The following OTOGL variants were observed in gnomAD, a reference collection of about 807,000 sequenced individuals.
OTOGL encodes the protein otogelin like, also known as otogelin-like protein.
In OTOGL, 285 loss-of-function variants were observed where a neutral mutation model predicts 318.5. The ratio of observed to expected loss-of-function variants is 0.89; its 90% confidence interval spans 0.81 to 0.99. The LOEUF (loss-of-function observed/expected upper bound fraction) is 0.99, where lower values mean the gene tolerates loss of function less well. OTOGL is among the 50% of genes least tolerant of loss of function. OTOGL has a pLI of 0.00. For missense variants in OTOGL, 2,899 were observed against 2,845.6 expected (o/e 1.02, Z -0.43); for synonymous variants, 987 against 936.5 (o/e 1.05, Z -0.99).
In OTOGL at chr12:80,233,026, A is replaced by G. The variant is rs752765422; in HGVS notation, c.746A>G (p.His249Arg). 3.8e-6 allele frequency: 6 copies of G among 1,598,796 alleles called. No individual in the cohort carries two copies. The highest frequency in any genetic ancestry group is 1.7e-5 in the Admixed American group (1 of 60,004). The change falls in exon 9 of 59, where the codon CAT (histidine) becomes CGT (arginine). Residue 249 changes from histidine (H) to arginine (R), a missense_variant. His to Arg is a conservative substitution (Grantham distance 29, BLOSUM62 0). Transcript: ENST00000547103. ...ATCTACCTCAAGCTGTCTGAGGACC[A>G]TAAGGGGAAATCATGTGGCCTATGT... The part of the protein sequence containing the change: ...SGIYLKLSED[H>R]KGKSCGLCGN...
chr12:80,339,308 T>TG, intron 43 of OTOGL, 44 bp downstream of exon 43: 3 of 1,414,022 alleles, frequency 2.1e-6, no homozygotes, highest in Non-Finnish European at 2.9e-6. Context: ...GTTTTTTTTT[T>TG]TTTTTTTTTT....
rs145787589 is a variant in OTOGL, at chr12:80,362,001, C to A, written c.6267+3101C>A. ...TTAGCTTGCTATACTCCCATTTGTC[C>A]ATTTTTCTTTTGTTGTCTCTACATT... is the stretch of plus-strand genomic sequence containing the variant. On this transcript the variant is annotated intron_variant, in intron 52 of 58. Coordinates refer to ENST00000547103, the MANE Select transcript of OTOGL (RefSeq NM_001378609.3). 3.5e-3 allele frequency among the ~76,000 whole-genome samples: 533 copies of A among 152,156 alleles called. 1 individual carries two copies. The highest frequency in any genetic ancestry group is 0.02 in the Middle Eastern group (6 of 294).
At chr12:80,100,331 CCT>C (rs1869063380) in intron 1 of OTOGL, among the ~76,000 whole-genome samples, 1 of 152,078 alleles carries the variant, frequency 6.6e-6, no homozygotes, top group Non-Finnish European at 1.5e-5. Flanking sequence ...TCTTACTTCT[CCT>C]AACAACAACA....
chr12:80,122,592 T>A (rs1467591400), intron 1 of OTOGL, among the ~76,000 whole-genome samples: 1 of 152,204 alleles, frequency 6.6e-6, no homozygotes, highest in East Asian at 1.9e-4. Flanking sequence ...TTACTGACTA[T>A]GTTTATAGAA....
Position 80,352,390 on chromosome 12 carries a change from C to T in OTOGL, c.5361C>T (p.Cys1787=). The T allele has an allele frequency of 6.2e-7, 1 of 1,612,280 alleles. No homozygotes were observed. The highest frequency in any genetic ancestry group is 1.1e-5 in the South Asian group (1 of 90,898). ...CACTTTCTGCATATGTGGCTCTGTGCAACAAGTTTGATATCTGTATTCAGT... is the reference window on the plus strand; with the variant it reads ...CACTTTCTGCATATGTGGCTCTGTGTAACAAGTTTGATATCTGTATTCAGT... ...CDALSAYVAL[C]NKFDICIQWR... is the part of the protein sequence containing the mutation. The change falls in exon 45 of 59, where the codon TGC becomes TGT. Residue 1787 remains cysteine (C), a synonymous_variant. Coordinates refer to ENST00000547103, the MANE Select transcript of OTOGL (RefSeq NM_001378609.3).
intron 1 of OTOGL, among the ~76,000 whole-genome samples, chr12:80,128,393 C>T (rs930052600): frequency 6.6e-6 from 1 of 152,184 alleles, no homozygotes; most frequent in Non-Finnish European, 1.5e-5. Context: ...CTGATCGTTC[C>T]TCTGGAAGTT....
chr12:80,118,476 G>C (rs1013196630), intron 1 of OTOGL, among the ~76,000 whole-genome samples: 2 of 152,090 alleles, frequency 1.3e-5, no homozygotes, highest in African/African-American at 4.8e-5. Context: ...AGTGGACCCT[G>C]ACTCTCATGT....
rs1225862007 is a variant in OTOGL, at chr12:80,301,736, A to G, written c.3064-898A>G. 2.0e-5 allele frequency among the ~76,000 whole-genome samples: 3 copies of G among 152,026 alleles called. No individual in the cohort carries two copies. In the East Asian group the frequency reaches 5.8e-4, roughly 29 times the overall value. On this transcript the variant is annotated intron_variant, in intron 27 of 58. Coordinates refer to ENST00000547103, the MANE Select transcript of OTOGL (RefSeq NM_001378609.3). Reference sequence around the variant, plus strand: ...GTAATTCACTGCTTCCTGCCCCCCTACACACATACAGTAGTTCCCCCTTAT... The same window carrying G: ...GTAATTCACTGCTTCCTGCCCCCCTGCACACATACAGTAGTTCCCCCTTAT...
At chr12:80,135,236 T>C (rs1871476486) in intron 1 of OTOGL, among the ~76,000 whole-genome samples, 1 of 143,998 alleles carries the variant, frequency 6.9e-6, no homozygotes, top group African/African-American at 2.5e-5. Flanking sequence ...GGTCATTTTT[T>C]ATTTCTTGAG....
chr12:80,332,392 T>G (rs1888132290), intron 37 of OTOGL, among the ~76,000 whole-genome samples: 1 of 152,176 alleles, frequency 6.6e-6, no homozygotes, highest in Non-Finnish European at 1.5e-5. Context: ...ATTGTGGCTC[T>G]TCTGTAATCT....
At chr12:80,342,317 T>G (rs539421219) in intron 44 of OTOGL, among the ~76,000 whole-genome samples, 155 bp downstream of exon 44, 1 of 152,346 alleles carries the variant, frequency 6.6e-6, no homozygotes, top group South Asian at 2.1e-4. Flanking sequence ...ACTTATTGTT[T>G]ACAGGCTTAC....
At chr12:80,195,003 A>T (rs1018002537) in intron 1 of OTOGL, among the ~76,000 whole-genome samples, 3 of 152,138 alleles carry the variant, frequency 2.0e-5, no homozygotes, top group South Asian at 2.1e-4. Flanking sequence ...GCCTCATTTT[A>T]AAAAAATGTA....
At chr12:80,126,894 G>T (rs547290509) in intron 1 of OTOGL, among the ~76,000 whole-genome samples, 2 of 152,120 alleles carry the variant, frequency 1.3e-5, no homozygotes, top group South Asian at 4.2e-4. Context: ...CATTTGCTTG[G>T]TAGATCTTCC....
At chr12:80,254,429 C>A in intron 14 of OTOGL, 95 bp from the exon 15 acceptor site, 2 of 782,988 alleles carry the variant, frequency 2.6e-6, no homozygotes, top group Non-Finnish European at 2.0e-6. Flanking sequence ...AACCTATAAA[C>A]ATGATATATT....
chr12:80,209,036 T>A (rs1323468230), intron 1 of OTOGL, among the ~76,000 whole-genome samples: 1 of 152,204 alleles, frequency 6.6e-6, no homozygotes, highest in Non-Finnish European at 1.5e-5. Flanking sequence ...AATGCAAAGA[T>A]TAGATCAACC....
At chr12:80,121,058 C>G (rs1870460716) in intron 1 of OTOGL, among the ~76,000 whole-genome samples, 1 of 152,142 alleles carries the variant, frequency 6.6e-6, no homozygotes, top group Non-Finnish European at 1.5e-5. Context: ...CAATTCAGCT[C>G]AGGTCTGAGG....
chr12:80,303,149 A>G (rs1411838064), intron 28 of OTOGL, among the ~76,000 whole-genome samples: 4 of 152,186 alleles, frequency 2.6e-5, no homozygotes, highest in African/African-American at 7.2e-5. Context: ...TACATGCAGT[A>G]AAATTATTAT....
intron 1 of OTOGL, among the ~76,000 whole-genome samples, chr12:80,105,528 T>C (rs1869405681): frequency 1.3e-5 from 2 of 152,242 alleles, no homozygotes; most frequent in African/African-American, 2.4e-5. Flanking sequence ...ATTATTATTG[T>C]TCTTGGGCAG....
chr12:80,230,160 T>C lies in OTOGL; in HGVS notation c.611+782T>C, dbSNP rs143331699. The stretch of plus-strand genomic sequence containing the variant: ...TTCATTCAGAATTCACTAACAAGTG[T>C]TTGAACCATAGGAATTCTTTCCAGC... On this transcript the variant is annotated intron_variant, in intron 8 of 58. Transcript: ENST00000547103. Among the ~76,000 whole-genome samples the C allele has an allele frequency of 1.7e-3, 258 of 152,258 alleles. 1 individual carries two copies. The highest frequency in any genetic ancestry group is 6.0e-3 in the African/African-American group (251 of 41,556).
Sources: allele counts gnomAD v4.1 joint callset (sites outside exome capture counted in the v4.1 genomes callset), GRCh38; gene constraint gnomAD v4.1.1; transcripts MANE v1.5; gene names NCBI Gene and HGNC (gene_info 2026-07-23, HGNC 2026-07-21).